Variants in URI1 observed in about 807,000 individuals in gnomAD.
URI1 encodes the protein URI1 prefoldin like chaperone.
Under a neutral mutation model 60.2 loss-of-function variants are expected in URI1, and 39 were observed. The observed-to-expected ratio is 0.65, with a 90% confidence interval of 0.50 to 0.85. The LOEUF is 0.85. URI1 is among the 40% of genes least tolerant of loss of function. The pLI is 0.00. For missense variants in URI1, 691 were observed against 665.9 expected, an observed-to-expected ratio of 1.04 and a Z score of -0.42; for synonymous variants, 251 against 236.8, an observed-to-expected ratio of 1.06 and a Z score of -0.55.
In URI1 at chr19:30,015,027, G is replaced by A. The variant is rs148185435; in HGVS notation, c.1566G>A (p.Arg522=). The part of the protein sequence containing the change: ...LLEASEETGK[R]VSKFKAARLQ... ...AAGCATCTGAAGAAACTGGAAAGAG[G>A]GTTTCAAAGTTTAAAGCTGCCAGAT... The change falls in exon 11 of 11, where the codon AGG becomes AGA. Residue 522 remains arginine (R), a synonymous_variant. Transcript: ENST00000392271. The A allele has an allele frequency of 2.0e-4, 326 of 1,613,662 alleles. 3 individuals are homozygous for A. In the African/African-American group the frequency reaches 4.1e-3, roughly 20 times the overall value.
intron 4 of URI1, among the ~76,000 whole-genome samples, chr19:29,993,728 T>TA (rs1409539231): frequency 1.3e-5 from 2 of 152,132 alleles, no homozygotes; most frequent in African/African-American, 4.8e-5. Context: ...GGATATTTAT[T>TA]AAAAAACAAC....
chr19:29,962,115 C>T (rs923971807), intron 1 of URI1, among the ~76,000 whole-genome samples: 19 of 152,170 alleles, frequency 1.2e-4, no homozygotes, highest in Admixed American at 3.9e-4. Context: ...CGGACAAATT[C>T]ACAAGGGTTC....
intron 10 of URI1, among the ~76,000 whole-genome samples, chr19:30,013,448 C>T (rs1252526568): frequency 6.6e-6 from 1 of 152,030 alleles, no homozygotes; most frequent in African/African-American, 2.4e-5. Flanking sequence ...TCTTAGGTGA[C>T]CTGGAAAGTA....
Position 30,009,096 on chromosome 19 carries a change from C to T in URI1, c.778C>T (p.Gln260Ter). 6.2e-7 allele frequency: 1 copy of T among 1,613,944 alleles called. No homozygotes were observed. Among genetic ancestry groups the T allele is most frequent in the Non-Finnish European group, 8.5e-7 (1 of 1,179,932 alleles). The change falls in exon 8 of 11, where the codon CAA (glutamine) becomes TAA (stop). Residue 260 changes from glutamine (Q) to a stop codon, truncating the protein, a stop_gained. Coordinates refer to ENST00000392271, the MANE Select transcript of URI1 (RefSeq NM_003796.3). LOFTEE classifies it high-confidence loss of function. ...DRNTNVNAMH[Q>*]VTDSHTPCHK... ...TAACACAAATGTGAATGCGATGCATCAAGTAACAGACTCTCATACTCCTTG... is the reference window on the plus strand; with the variant it reads ...TAACACAAATGTGAATGCGATGCATTAAGTAACAGACTCTCATACTCCTTG...
At chr19:29,935,431 T>C (rs951957406) in intron 1 of URI1, among the ~76,000 whole-genome samples, 1 of 152,182 alleles carries the variant, frequency 6.6e-6, no homozygotes, top group Non-Finnish European at 1.5e-5. Flanking sequence ...AACAAAGTAT[T>C]ATGAACAAAA....
intron 4 of URI1, among the ~76,000 whole-genome samples, chr19:30,000,323 G>A (rs74536070): frequency 2.9e-4 from 44 of 152,028 alleles, no homozygotes; most frequent in African/African-American, 7.0e-4. Context: ...AAGGAGAGCC[G>A]TCTTCCTGGT....
chr19:29,967,324 T>C (rs1448728207), intron 1 of URI1, among the ~76,000 whole-genome samples: 2 of 152,226 alleles, frequency 1.3e-5, no homozygotes, highest in Non-Finnish European at 2.9e-5. Context: ...ATTGTCCTTC[T>C]AGGTGTCTAA....
rs566211791 is a variant in URI1, at chr19:29,983,716, C to T, written c.153-1507C>T. ...AACCCAGTCTCCAGAGAAAGTTTGA[C>T]GGGCATCTTGGCATAGGCTGCTGCC... On this transcript the variant is annotated intron_variant, in intron 2 of 10. Coordinates refer to ENST00000392271, the MANE Select transcript of URI1 (RefSeq NM_003796.3). 1.1e-4 allele frequency among the ~76,000 whole-genome samples: 16 copies of T among 152,266 alleles called. No individual in the cohort carries two copies. In the East Asian group the frequency reaches 1.2e-3, roughly 11 times the overall value.
chr19:29,981,183 T>C (rs2055593043), intron 2 of URI1, among the ~76,000 whole-genome samples: 1 of 152,098 alleles, frequency 6.6e-6, no homozygotes, highest in African/African-American at 2.4e-5. Flanking sequence ...CTCGTCCCTT[T>C]AAAAATATTC....
chr19:29,925,321 G>C (rs995001231), intron 1 of URI1, among the ~76,000 whole-genome samples: 1 of 152,050 alleles, frequency 6.6e-6, no homozygotes, highest in Non-Finnish European at 1.5e-5. Flanking sequence ...TTTTCCCTTT[G>C]TCCTGGGTCC....
At position 29,986,149 on chromosome 19, in the gene URI1, C is replaced by G. The variant is rs986874463; in HGVS notation, c.232-133C>G. The stretch of plus-strand genomic sequence containing the variant: ...AATATAGTGTTGAATTTCTGTGAAG[C>G]TGGCATTTTATTTTTCCCAATGTAT... On this transcript the variant is annotated intron_variant, in intron 3 of 10. Coordinates refer to ENST00000392271, the MANE Select transcript of URI1 (RefSeq NM_003796.3). 3 of 851,336 alleles carry G rather than the reference C, an allele frequency of 3.5e-6. No individual in the cohort carries two copies. The African/African-American group carries it at 5.4e-5, about 15-fold the overall frequency. The allele number at this position is 851,336 out of a possible 1,614,324, so 52.7% of individuals were successfully genotyped here.
upstream of URI1, among the ~76,000 whole-genome samples, chr19:29,941,739 T>C (rs996520347): frequency 1.3e-5 from 2 of 151,546 alleles, no homozygotes; most frequent in Non-Finnish European, 2.9e-5. Flanking sequence ...TAAGAGAAAA[T>C]ACAATGTGTA....
intron 4 of URI1, among the ~76,000 whole-genome samples, chr19:29,989,953 C>CTTTACCTAACCTTAGTTGTTGAAGA: frequency 6.6e-6 from 1 of 151,922 alleles, no homozygotes; most frequent in South Asian, 2.1e-4. Flanking sequence ...TCTAAGAACG[C>CTTTACCTAACCTTAGTTGTTGAAGA]TTTACCTAAC....
chr19:29,958,829 G>A (rs918761110), intron 1 of URI1, among the ~76,000 whole-genome samples: 2 of 151,724 alleles, frequency 1.3e-5, no homozygotes, highest in South Asian at 2.1e-4. Flanking sequence ...GTGTGGTGGC[G>A]GGGGCCTGTA....
At chr19:29,989,668 G>A (rs968345439) in intron 4 of URI1, among the ~76,000 whole-genome samples, 2 of 151,900 alleles carry the variant, frequency 1.3e-5, no homozygotes, top group African/African-American at 2.4e-5. Flanking sequence ...TGATCTGTCC[G>A]CCTTGTGGTC....
intron 1 of URI1, among the ~76,000 whole-genome samples, chr19:29,932,561 C>T (rs2145199440): frequency 6.6e-6 from 1 of 152,112 alleles, no homozygotes. Flanking sequence ...AGGTGATTCA[C>T]CTGCCTCGGC....
intron 4 of URI1, among the ~76,000 whole-genome samples, chr19:29,996,458 T>A (rs939040744): frequency 1.3e-5 from 2 of 151,730 alleles, no homozygotes; most frequent in Non-Finnish European, 2.9e-5. Flanking sequence ...GAATTTTTTT[T>A]ATTAGCTTTA....
intron 10 of URI1, among the ~76,000 whole-genome samples, chr19:30,013,873 GGAGA>G (rs2056053505): frequency 1.3e-5 from 2 of 152,104 alleles, no homozygotes; most frequent in African/African-American, 4.8e-5. Context: ...AAATAATGTA[GGAGA>G]GAGATGGCTT....
chr19:29,942,775 GA>G, intron 1 of URI1, 111 bp downstream of exon 1: 1 of 1,192,686 alleles, frequency 8.4e-7, no homozygotes, highest in Non-Finnish European at 1.1e-6. Context: ...CCCCCGGAGG[GA>G]ACGGGGATAA....
Sources: allele counts gnomAD v4.1 joint callset (sites outside exome capture counted in the v4.1 genomes callset), GRCh38; gene constraint gnomAD v4.1.1; transcripts MANE v1.5; gene names NCBI Gene and HGNC (gene_info 2026-07-23, HGNC 2026-07-21).